Variants in SFXN1 observed in about 807,000 individuals in gnomAD.
SFXN1 encodes sideroflexin-1.
In SFXN1, 32 loss-of-function variants were observed where a neutral mutation model predicts 39.5. The ratio of observed to expected loss-of-function variants is 0.81; its 90% CI spans 0.61 to 1.09. SFXN1 has a LOEUF of 1.09. Ranked by LOEUF, SFXN1 falls within the 50% of genes least tolerant of loss-of-function variation. The probability of loss-of-function intolerance (pLI) is 0.00; values close to 1 mark genes in which losing one functional copy is unlikely to be tolerated. For missense variants in SFXN1, 402 were observed against 407.1 expected (o/e 0.99, Z 0.11); for synonymous variants, 136 against 146.5 (o/e 0.93, Z 0.52).
intron 8 of SFXN1, 123 bp downstream of exon 8, chr5:175,516,786 G>C (rs575823563): frequency 8.9e-6 from 8 of 899,722 alleles, no homozygotes; most frequent in Non-Finnish European, 1.3e-5. Context: ...GGGCTCTTAC[G>C]TAAATAAAAA....
At chr5:175,517,010 G>A (rs1002592905) in intron 8 of SFXN1, among the ~76,000 whole-genome samples, 1 of 152,186 alleles carries the variant, frequency 6.6e-6, no homozygotes, top group East Asian at 1.9e-4. Context: ...ATCATTCGGA[G>A]TAGCAGCTTC....
intron 1 of SFXN1, among the ~76,000 whole-genome samples, chr5:175,488,749 C>T (rs1006194291): frequency 6.6e-6 from 1 of 152,166 alleles, no homozygotes; most frequent in Non-Finnish European, 1.5e-5. Flanking sequence ...GCCTTGACTA[C>T]ACTGGACATG....
chr5:175,516,573 G>A, intron 7 of SFXN1, 41 bp from the exon 8 acceptor site: 1 of 1,539,582 alleles, frequency 6.5e-7, no homozygotes, highest in Non-Finnish European at 8.8e-7. Context: ...CTGAAAATTG[G>A]CATTAAATAA....
At chr5:175,487,132 G>A (rs1222406374) in intron 1 of SFXN1, among the ~76,000 whole-genome samples, 1 of 152,200 alleles carries the variant, frequency 6.6e-6, no homozygotes, top group African/African-American at 2.4e-5. Flanking sequence ...ACGGCCTCAT[G>A]TACAGCCACA....
chr5:175,505,794 A>G (rs1395063900), intron 2 of SFXN1, among the ~76,000 whole-genome samples: 3 of 152,128 alleles, frequency 2.0e-5, no homozygotes, highest in Non-Finnish European at 2.9e-5. Context: ...GCCAGCCAAA[A>G]GAGAAAGTTA....
intron 1 of SFXN1, among the ~76,000 whole-genome samples, chr5:175,479,637 C>G (rs1262913962): frequency 6.6e-6 from 1 of 152,156 alleles, no homozygotes; most frequent in African/African-American, 2.4e-5. Flanking sequence ...GTTGCTCAGC[C>G]TATCTATCCC....
At chr5:175,479,449 C>T (rs890933750) in intron 1 of SFXN1, among the ~76,000 whole-genome samples, 4 of 152,186 alleles carry the variant, frequency 2.6e-5, no homozygotes, top group Non-Finnish European at 5.9e-5. Context: ...GTCGTAAATA[C>T]TGCGTTCTCA....
chr5:175,485,570 A>G (rs574820836), intron 1 of SFXN1, among the ~76,000 whole-genome samples: 1 of 152,356 alleles, frequency 6.6e-6, no homozygotes, highest in East Asian at 1.9e-4. Context: ...CAAGATCCTT[A>G]ACTTAATCAT....
rs1211170635 is a variant in SFXN1, at chr5:175,478,593, A to G, written c.-56A>G. ...CGTTTCCGGTGGCGGCGGAGGCTGC[A>G]CTGAGCGGGACCTGCGAGCAGCGCG... On this transcript the variant is annotated 5_prime_UTR_variant, in exon 1 of 11. Transcript: ENST00000321442. The G allele has an allele frequency of 1.3e-5, 2 of 151,140 alleles. No homozygotes were observed. Among genetic ancestry groups the G allele is most frequent in the Admixed American group, 6.6e-5 (1 of 15,210 alleles). The allele number at this position is 151,140 out of a possible 1,614,324, so 9.4% of individuals were successfully genotyped here.
At chr5:175,510,301 A>T in intron 4 of SFXN1, 94 bp downstream of exon 4, 1 of 960,916 alleles carries the variant, frequency 1.0e-6, no homozygotes, top group Non-Finnish European at 1.6e-6. Context: ...CTATGTGTGC[A>T]TATTTTTATA....
At chr5:175,517,484 C>T (rs1374419525) in intron 8 of SFXN1, among the ~76,000 whole-genome samples, 1 of 152,076 alleles carries the variant, frequency 6.6e-6, no homozygotes, top group Non-Finnish European at 1.5e-5. Flanking sequence ...CCTGGCACCT[C>T]ACTGGCTACA....
At chr5:175,479,994 A>G (rs1420068933) in intron 1 of SFXN1, among the ~76,000 whole-genome samples, 1 of 152,162 alleles carries the variant, frequency 6.6e-6, no homozygotes, top group Non-Finnish European at 1.5e-5. Context: ...GACTTGATAT[A>G]AAAGATGAGA....
At position 175,529,258 on chromosome 5, in the gene SFXN1, A is replaced by G. The variant is rs1249265323; in HGVS notation, c.*2524A>G. The G allele has an allele frequency of 6.6e-6, 1 of 152,136 alleles. No individual in the cohort carries two copies. The highest frequency in any genetic ancestry group is 1.9e-4 in the East Asian group (1 of 5,188). The allele number at this position is 152,136 out of a possible 1,614,324, so 9.4% of individuals were successfully genotyped here. On this transcript the variant is annotated 3_prime_UTR_variant, in exon 11 of 11. Coordinates refer to ENST00000321442, the MANE Select transcript of SFXN1 (RefSeq NM_022754.7). Reference sequence around the variant, plus strand: ...GAGGCTGAGGTAGGAGAATCGCTTGAATCCGGGAGCTGGAGGTTGCAGTGA... The same window carrying G: ...GAGGCTGAGGTAGGAGAATCGCTTGGATCCGGGAGCTGGAGGTTGCAGTGA...
chr5:175,509,292 A>G (rs756675016), intron 3 of SFXN1, 90 bp downstream of exon 3: 105 of 1,275,740 alleles, frequency 8.2e-5, no homozygotes, highest in Non-Finnish European at 1.1e-4. Context: ...TGAAATAAGT[A>G]TTATTTCATA....
chr5:175,521,864 T>C (rs375878361), intron 8 of SFXN1, 55 bp from the exon 9 acceptor site: 62 of 1,354,092 alleles, frequency 4.6e-5, no homozygotes, highest in African/African-American at 4.0e-4. Flanking sequence ...TCAGAAGATA[T>C]TGCCTCTAAG....
At chr5:175,507,973 T>TAAAATAAAA (rs1477205928) in intron 2 of SFXN1, among the ~76,000 whole-genome samples, 5,390 of 124,194 alleles carry the variant, frequency 0.043, 272 homozygotes, top group African/African-American at 0.16. Context: ...ACCCTGTCTT[T>TAAAATAAAA]AAAAAAAAAA....
intron 2 of SFXN1, among the ~76,000 whole-genome samples, chr5:175,508,222 ATTTTTTTTTTTT>A (rs67028708): frequency 3.1e-5 from 2 of 63,898 alleles, no homozygotes; most frequent in African/African-American, 6.0e-5. Context: ...AATAGATTTG[ATTTTTTTTTTTT>A]TTTTTTTTTT....
chr5:175,503,568 A>G (rs1210040088), intron 2 of SFXN1, among the ~76,000 whole-genome samples: 2 of 152,242 alleles, frequency 1.3e-5, no homozygotes, highest in African/African-American at 4.8e-5. Flanking sequence ...TTATATATCT[A>G]TTTCCCATAA....
intron 9 of SFXN1, 79 bp downstream of exon 9, chr5:175,522,047 T>C: frequency 8.2e-7 from 1 of 1,225,594 alleles, no homozygotes; most frequent in Non-Finnish European, 1.2e-6. Context: ...CTGGGTAATA[T>C]GGGATACAAA....
Sources: allele counts gnomAD v4.1 joint callset (sites outside exome capture counted in the v4.1 genomes callset), GRCh38; gene constraint gnomAD v4.1.1; transcripts MANE v1.5; gene names NCBI Gene and HGNC (gene_info 2026-07-23, HGNC 2026-07-21).